Variants in CTIF observed in about 807,000 individuals in gnomAD.
CTIF encodes CBP80/20-dependent translation initiation factor.
In CTIF, 21 loss-of-function variants were observed where a neutral mutation model predicts 66.0. That is an observed-to-expected ratio of 0.32 (90% confidence interval 0.23 to 0.46). The LOEUF (loss-of-function observed/expected upper bound fraction) is 0.46. Among genes scored for constraint, CTIF ranks in the 20% least tolerant of loss-of-function variants. The pLI is 1.00. For synonymous variants in CTIF, 345 were observed against 326.4 expected, an observed-to-expected ratio of 1.06 and a Z score of -0.62; for missense variants, 739 against 812.7, an observed-to-expected ratio of 0.91 and a Z score of 1.10.
intron 9 of CTIF, among the ~76,000 whole-genome samples, chr18:48,795,657 C>T (rs1049983472): frequency 2.0e-5 from 3 of 152,190 alleles, no homozygotes; most frequent in African/African-American, 7.2e-5. Flanking sequence ...GAAAATAGAA[C>T]TAGTCCTCCT....
intron 9 of CTIF, among the ~76,000 whole-genome samples, chr18:48,794,897 G>A (rs968010224): frequency 6.6e-6 from 1 of 152,164 alleles, no homozygotes; most frequent in South Asian, 2.1e-4. Context: ...GGATGTGTGT[G>A]TGGATGCATG....
At chr18:48,732,131 T>C (rs923741827) in intron 7 of CTIF, among the ~76,000 whole-genome samples, 2 of 152,216 alleles carry the variant, frequency 1.3e-5, no homozygotes, top group Non-Finnish European at 2.9e-5. Flanking sequence ...TGCATTCACC[T>C]GGCCGCCGGG....
rs562923373 is a variant in CTIF, at chr18:48,562,198, G to T, written c.-29+22886G>T. On this transcript the variant is annotated intron_variant, in intron 1 of 11. Transcript: ENST00000256413. ...GCATGTGCCTGGCACTGTACCAAGT[G>T]CTTTAAAACTGTTAACTTACTGCTT... 2.6e-5 allele frequency among the ~76,000 whole-genome samples: 4 copies of T among 152,348 alleles called. No homozygotes were observed. In the East Asian group the frequency reaches 7.7e-4, roughly 29 times the overall value.
At chr18:48,817,769 G>T (rs533888838) in intron 10 of CTIF, among the ~76,000 whole-genome samples, 1 of 135,922 alleles carries the variant, frequency 7.4e-6, no homozygotes, top group Admixed American at 7.3e-5. Context: ...AGCGAGACTC[G>T]GTCTCCAAAA....
At chr18:48,651,573 C>G (rs1200816771) in intron 3 of CTIF, among the ~76,000 whole-genome samples, 1 of 152,186 alleles carries the variant, frequency 6.6e-6, no homozygotes, top group Non-Finnish European at 1.5e-5. Context: ...AGAAGGTTAA[C>G]AAGGATATCC....
In CTIF at chr18:48,785,546, G is replaced by C. The variant is rs551860809; in HGVS notation, c.1371+23857G>C. Among the ~76,000 whole-genome samples, 13 of 152,018 alleles carry C rather than the reference G, an allele frequency of 8.6e-5. No homozygotes were observed. In the South Asian group the frequency reaches 2.7e-3, roughly 31 times the overall value. ...AGTTTCCTCTGAAATGGGCGGAAGA[G>C]CTGGACCCAGCCACAAGACCATCAA... On this transcript the variant is annotated intron_variant, in intron 9 of 11. Coordinates refer to ENST00000256413, the MANE Select transcript of CTIF (RefSeq NM_014772.3).
At chr18:48,618,557 C>CCCTGG (rs1414320209) in intron 1 of CTIF, among the ~76,000 whole-genome samples, 8 of 152,136 alleles carry the variant, frequency 5.3e-5, no homozygotes, top group African/African-American at 1.9e-4. Context: ...AGGGGAGGGT[C>CCCTGG]CCTGGCCTGG....
intron 10 of CTIF, among the ~76,000 whole-genome samples, chr18:48,825,355 C>T (rs886637070): frequency 6.6e-6 from 1 of 152,184 alleles, no homozygotes; most frequent in Non-Finnish European, 1.5e-5. Context: ...ACTGGCTGCG[C>T]TCCTAGAGGA....
chr18:48,795,719 G>T (rs568133541), intron 9 of CTIF, among the ~76,000 whole-genome samples: 3 of 152,296 alleles, frequency 2.0e-5, no homozygotes, highest in Non-Finnish European at 2.9e-5. Context: ...TTTCTCTGTT[G>T]TCATCAGCCT....
chr18:48,700,962 C>T (rs1259534925), intron 6 of CTIF, among the ~76,000 whole-genome samples: 1 of 152,234 alleles, frequency 6.6e-6, no homozygotes, highest in African/African-American at 2.4e-5. Context: ...GTCTTTGAAC[C>T]TCCTCAAGTA....
rs1343341810 is a variant in CTIF, at chr18:48,860,138, G to A, written c.*579G>A. 5.5e-6 allele frequency: 2 copies of A among 365,984 alleles called. No individual in the cohort carries two copies. The highest frequency in any genetic ancestry group is 3.4e-5 in the Admixed American group (1 of 29,778). 22.7% of individuals were successfully genotyped at this position (365,984 alleles called of 1,614,324 possible). ...CTTTGTCAGCCATGGCAGAGCTGACGCTCCACCTCCCACCTCCAAGTCCTC... is the reference window on the plus strand; with the variant it reads ...CTTTGTCAGCCATGGCAGAGCTGACACTCCACCTCCCACCTCCAAGTCCTC... On this transcript the variant is annotated 3_prime_UTR_variant, in exon 12 of 12. Transcript: ENST00000256413.
At chr18:48,667,082 G>GAC (rs4044188) in intron 5 of CTIF, among the ~76,000 whole-genome samples, 7,081 of 142,128 alleles carry the variant, frequency 0.05, 210 homozygotes, top group African/African-American at 0.076. Context: ...CAGGAAAGTA[G>GAC]ACACACACAC....
Position 48,600,101 on chromosome 18 carries a change from G to A in CTIF, c.-28-19437G>A, listed in dbSNP as rs374902489. Among the ~76,000 whole-genome samples, 3 of 152,268 alleles carry A rather than the reference G, an allele frequency of 2.0e-5. No individual in the cohort carries two copies. The South Asian group carries it at 6.2e-4, about 32-fold the overall frequency. On this transcript the variant is annotated intron_variant, in intron 1 of 11. Coordinates refer to ENST00000256413, the MANE Select transcript of CTIF (RefSeq NM_014772.3). ...GAGACTAATAGCATGCACCCCATGG[G>A]GTTGAGAGCACTAAAAGCAATCAAA...
chr18:48,541,968 G>A (rs1437604425), intron 1 of CTIF, among the ~76,000 whole-genome samples: 1 of 152,078 alleles, frequency 6.6e-6, no homozygotes, highest in African/African-American at 2.4e-5. Flanking sequence ...CTGGGTGGGG[G>A]AAGGGCCACA....
rs116640385 is a variant in CTIF at position 48,649,294 on chromosome 18, G to C, written c.252+12609G>C. ...AATAGTCTTAGCAAATGGCACACCA[G>C]ATTATATCCTGCAGCTGGCTCAGCG... is the stretch of plus-strand genomic sequence containing the variant. On this transcript the variant is annotated intron_variant, in intron 3 of 11. Transcript: ENST00000256413. 7.4e-3 allele frequency among the ~76,000 whole-genome samples: 1,120 copies of C among 152,348 alleles called. 10 individuals are homozygous for C. Among genetic ancestry groups the C allele is most frequent in the African/African-American group, 0.026 (1,076 of 41,584 alleles).
At chr18:48,842,510 C>T (rs887482358) in intron 10 of CTIF, among the ~76,000 whole-genome samples, 5 of 151,980 alleles carry the variant, frequency 3.3e-5, no homozygotes, top group Non-Finnish European at 7.4e-5. Context: ...GCCCTGGCCT[C>T]ACAGTGTTCC....
At chr18:48,592,479 A>G (rs898055268) in intron 1 of CTIF, among the ~76,000 whole-genome samples, 5 of 151,396 alleles carry the variant, frequency 3.3e-5, no homozygotes, top group African/African-American at 1.2e-4. Context: ...CTTGGGGAAC[A>G]AGAGTGAAAC....
At chr18:48,685,030 ATTT>A (rs35327726) in intron 6 of CTIF, among the ~76,000 whole-genome samples, 7 of 133,600 alleles carry the variant, frequency 5.2e-5, no homozygotes, top group Non-Finnish European at 8.1e-5. Context: ...GTTTGTTTGT[ATTT>A]TTTTTTTTTT....
intron 7 of CTIF, among the ~76,000 whole-genome samples, chr18:48,734,007 A>G (rs1352361639): frequency 6.6e-6 from 1 of 152,250 alleles, no homozygotes; most frequent in Non-Finnish European, 1.5e-5. Context: ...TTGAAAATAA[A>G]GCTGGGCATC....
Sources: gnomAD v4.1 joint callset for allele counts (sites outside exome capture counted in the v4.1 genomes callset) on GRCh38, gnomAD v4.1.1 for gene constraint, MANE v1.5 for transcripts, NCBI Gene and HGNC (gene_info 2026-07-23, HGNC 2026-07-21) for gene names.